ARHGEF19: variants seen among roughly 807,000 people sequenced by gnomAD.
ARHGEF19 encodes Rho guanine nucleotide exchange factor (GEF) 19.
A neutral mutation model predicts 87.6 loss-of-function variants in ARHGEF19; 92 were observed. That is an observed-to-expected ratio of 1.05 (90% CI 0.89 to 1.25). The LOEUF (loss-of-function observed/expected upper bound fraction) is 1.25, where lower values mean the gene tolerates loss of function less well. ARHGEF19 is among the 50% of genes most tolerant of loss of function. The probability of loss-of-function intolerance (pLI) is 0.00; values close to 1 mark genes in which losing one functional copy is unlikely to be tolerated. For synonymous variants in ARHGEF19, 438 were observed against 446.2 expected (o/e 0.98, Z 0.23); for missense variants, 1,054 against 1,051.8 (o/e 1.00, Z -0.03).
chr1:16,206,860 C>T lies in ARHGEF19; in HGVS notation c.1137+88G>A. ...CCAGCAACCCCCTTTGTGTGTCCCC[C>T]TCCCTCTATGGCCCGGTTCCCGCTA... is the stretch of plus-strand genomic sequence containing the variant. On this transcript the variant is annotated intron_variant, in intron 6 of 15. Transcript: ENST00000270747. The surrounding 1 kb of genome is among the most constrained non-coding windows in gnomAD (Gnocchi z 4.6). 7 of 1,362,146 alleles carry T rather than the reference C, an allele frequency of 5.1e-6. No homozygotes were observed. Among genetic ancestry groups the T allele is most frequent in the Middle Eastern group, 2.7e-4 (1 of 3,704 alleles). 84.4% of individuals were successfully genotyped at this position (1,362,146 alleles called of 1,614,324 possible). A position where few individuals can be genotyped will look rare whatever the true frequency, so the allele number is the denominator to read the frequency against.
intron 1 of ARHGEF19, among the ~76,000 whole-genome samples, chr1:16,211,784 A>G (rs1192136086): frequency 6.6e-6 from 1 of 152,222 alleles, no homozygotes; most frequent in Non-Finnish European, 1.5e-5. Context: ...CTGTTAGAAA[A>G]AAACAAACAA....
chr1:16,210,724 C>G (rs1293961108), intron 1 of ARHGEF19, among the ~76,000 whole-genome samples: 1 of 152,194 alleles, frequency 6.6e-6, no homozygotes, highest in Non-Finnish European at 1.5e-5. Flanking sequence ...GCCAGAGGAA[C>G]CATCAGAGGA....
chr1:16,207,492 C>T lies in ARHGEF19; in HGVS notation c.874+30G>A. 6.2e-7 allele frequency: 1 copy of T among 1,611,950 alleles called. No homozygotes were observed. The highest frequency in any genetic ancestry group is 8.5e-7 in the Non-Finnish European group (1 of 1,178,418). ...CACACCGCAGCCCCTTCCTCCGTTA[C>T]CTCCTCCCAGGGACCCCCCTCCCAC... On this transcript the variant is annotated intron_variant, in intron 5 of 15. Transcript: ENST00000270747. This position sits in a 1 kb window ranked among gnomAD's most constrained non-coding sequence, Gnocchi z 4.0.
At chr1:16,202,619 C>T in intron 12 of ARHGEF19, 45 bp from the exon 13 acceptor site, 9 of 1,590,342 alleles carry the variant, frequency 5.7e-6, no homozygotes, top group Non-Finnish European at 7.7e-6. Flanking sequence ...TGGGCCCTGG[C>T]TCTAGGCACC....
intron 14 of ARHGEF19, 123 bp from the exon 15 acceptor site, chr1:16,199,377 T>C (rs1249685606): frequency 1.7e-4 from 128 of 759,542 alleles, no homozygotes; most frequent in Non-Finnish European, 2.5e-5. Flanking sequence ...TTGAGGCTTC[T>C]ATTCCTCTGC....
At chr1:16,200,077 G>C (rs752759620) in intron 14 of ARHGEF19, among the ~76,000 whole-genome samples, 1 of 152,196 alleles carries the variant, frequency 6.6e-6, no homozygotes, top group African/African-American at 2.4e-5. Context: ...TGGGAATAGA[G>C]AGCTTACCCC....
At chr1:16,209,558 G>A (rs1204730397) in intron 1 of ARHGEF19, among the ~76,000 whole-genome samples, 1 of 152,160 alleles carries the variant, frequency 6.6e-6, no homozygotes, top group East Asian at 1.9e-4. Flanking sequence ...AGTATAGAAT[G>A]ACATGTACAC....
chr1:16,202,000 C>T, intron 13 of ARHGEF19, 139 bp from the exon 14 acceptor site: 1 of 843,104 alleles, frequency 1.2e-6, no homozygotes, highest in Non-Finnish European at 1.8e-6. Flanking sequence ...CATGTCTGCC[C>T]CACCCCAGGG....
chr1:16,198,697 G>A lies in ARHGEF19; in HGVS notation c.2299C>T (p.Pro767Ser), dbSNP rs1228392549. The A allele has an allele frequency of 6.2e-7, 1 of 1,612,714 alleles. No homozygotes were observed. Among genetic ancestry groups the A allele is most frequent in the Non-Finnish European group, 8.5e-7 (1 of 1,179,194 alleles). ...CTGATCTCTTCCACATAGGCCTGGGGCACCCACCCCTTCTCACCATCTGCC... is the reference window on the plus strand; with the variant it reads ...CTGATCTCTTCCACATAGGCCTGGGACACCCACCCCTTCTCACCATCTGCC... ...RLADGEKGWV[P>S]QAYVEEISSL... The change falls in exon 16 of 16, where the codon CCC (proline) becomes TCC (serine). Residue 767 changes from proline to serine, a missense_variant. Coordinates refer to ENST00000270747, the MANE Select transcript of ARHGEF19 (RefSeq NM_153213.5). The surrounding 1 kb of genome is among the most constrained non-coding windows in gnomAD (Gnocchi z 4.1).
chr1:16,207,288 C>G lies in ARHGEF19; in HGVS notation c.875-78G>C, dbSNP rs1393094947. 38 of 1,447,426 alleles carry G rather than the reference C, an allele frequency of 2.6e-5. No individual in the cohort carries two copies. Among genetic ancestry groups the G allele is most frequent in the Non-Finnish European group, 3.4e-5 (38 of 1,104,232 alleles). The allele number at this position is 1,447,426 out of a possible 1,614,324, so 89.7% of individuals were successfully genotyped here. ...GGCTTTTCCTCGGTTCCCTCAAGAG[C>G]CCGCGTCACTTAACCTTTGCCGCGG... On this transcript the variant is annotated intron_variant, in intron 5 of 15. Coordinates refer to ENST00000270747, the MANE Select transcript of ARHGEF19 (RefSeq NM_153213.5). The surrounding 1 kb of genome is among the most constrained non-coding windows in gnomAD (Gnocchi z 4.0).
chr1:16,207,633 C>T lies in ARHGEF19; in HGVS notation c.798-35G>A. 6.2e-7 allele frequency: 1 copy of T among 1,614,050 alleles called. No individual in the cohort carries two copies. The highest frequency in any genetic ancestry group is 2.2e-5 in the East Asian group (1 of 44,870). ...AGAGAGCGTCACGGCCCTAGTTCGC[C>T]TGCACCCTGTCTCGGACCCAAGCCC... On this transcript the variant is annotated intron_variant, in intron 4 of 15. Transcript: ENST00000270747. This position sits in a 1 kb window ranked among gnomAD's most constrained non-coding sequence, Gnocchi z 4.0.
chr1:16,199,141 C>G lies in ARHGEF19; in HGVS notation c.2251+9G>C. 6.2e-7 allele frequency: 1 copy of G among 1,613,660 alleles called. No homozygotes were observed. ...CCATCAGGGACACTTTCCCAGGAGG[C>G]CCCCTCACCGTCACTGGTCCAGGTC... On this transcript the variant is annotated intron_variant, in intron 15 of 15. Coordinates refer to ENST00000270747, the MANE Select transcript of ARHGEF19 (RefSeq NM_153213.5).
chr1:16,212,049 C>T (rs1305102022), intron 1 of ARHGEF19, among the ~76,000 whole-genome samples: 1 of 140,046 alleles, frequency 7.1e-6, no homozygotes, highest in Non-Finnish European at 1.5e-5. Flanking sequence ...CGCCCAATGC[C>T]CTCTCTAAGA....
Position 16,207,065 on chromosome 1 carries a change from G to A in ARHGEF19, c.1020C>T (p.Ser340=), listed in dbSNP as rs867487660. Residue 340 remains serine (S), a synonymous_variant, in exon 6 of 16, where the codon TCC becomes TCT. Transcript: ENST00000270747. The surrounding 1 kb of genome is among the most constrained non-coding windows in gnomAD (Gnocchi z 4.0). Reference sequence around the variant, plus strand: ...CTCGCGCCGAGCGCTGCGCCCGGAAGGAGCTGCTGGGGGAGAGGTTGGCCC... The same window carrying A: ...CTCGCGCCGAGCGCTGCGCCCGGAAAGAGCTGCTGGGGGAGAGGTTGGCCC... The part of the protein sequence containing the change: ...PPRANLSPSS[S]FRAQRSARGS... 37 of 1,507,274 alleles carry A rather than the reference G, an allele frequency of 2.5e-5. No homozygotes were observed. The African/African-American group carries it at 4.4e-4, about 18-fold the overall frequency. The allele number at this position is 1,507,274 out of a possible 1,614,324, so 93.4% of individuals were successfully genotyped here.
Position 16,207,270 on chromosome 1 carries a change from C to A in ARHGEF19, c.875-60G>T, listed in dbSNP as rs2081149036. The A allele has an allele frequency of 1.4e-6, 2 of 1,458,970 alleles. No homozygotes were observed. Among genetic ancestry groups the A allele is most frequent in the Non-Finnish European group, 1.8e-6 (2 of 1,111,610 alleles). The allele number at this position is 1,458,970 out of a possible 1,614,324, so 90.4% of individuals were successfully genotyped here. A position where few individuals can be genotyped will look rare whatever the true frequency, so the allele number is the denominator to read the frequency against. On this transcript the variant is annotated intron_variant, in intron 5 of 15. Transcript: ENST00000270747. This position sits in a 1 kb window ranked among gnomAD's most constrained non-coding sequence, Gnocchi z 4.0. Reference sequence around the variant, plus strand: ...GCCCGCCAGCCCCTGCCCGGCTTTTCCTCGGTTCCCTCAAGAGCCCGCGTC... The same window carrying A: ...GCCCGCCAGCCCCTGCCCGGCTTTTACTCGGTTCCCTCAAGAGCCCGCGTC...
chr1:16,206,308 G>C lies in ARHGEF19; in HGVS notation c.1170C>G (p.Ser390=). Residue 390 remains serine (S), a synonymous_variant, in exon 7 of 16, where the codon TCC becomes TCG. Coordinates refer to ENST00000270747, the MANE Select transcript of ARHGEF19 (RefSeq NM_153213.5). This position sits in a 1 kb window ranked among gnomAD's most constrained non-coding sequence, Gnocchi z 4.6. ...CAGCCACCGACAGGCTGTGGATGTA[G>C]GAGGCCTCGGAGGTGATCAGCTCAA... The part of the protein sequence containing the change: ...AKFELITSEA[S]YIHSLSVAVG... 1 of 1,580,100 alleles carries C rather than the reference G, an allele frequency of 6.3e-7. No homozygotes were observed.
chr1:16,207,690 T>G lies in ARHGEF19; in HGVS notation c.782A>C (p.Asp261Ala), dbSNP rs200726118. The change falls in exon 4 of 16, where the codon GAT becomes GCT. Residue 261 changes from aspartate (D) to alanine (A), a missense_variant. Physicochemically the swap from Asp to Ala is moderately radical, Grantham distance 126. Coordinates refer to ENST00000270747, the MANE Select transcript of ARHGEF19 (RefSeq NM_153213.5). This position sits in a 1 kb window ranked among gnomAD's most constrained non-coding sequence, Gnocchi z 4.0. The stretch of plus-strand genomic sequence containing the variant: ...GAGGTGGTACCTGGGCTCGGACCAA[T>G]CGCCCTCTCGTGAGTCACCAGGGGC... ...RPAPGDSREG[D>A]WSEPRLDTQE... is the part of the protein sequence containing the mutation. The G allele has an allele frequency of 6.2e-7, 1 of 1,613,934 alleles. No individual in the cohort carries two copies. Among genetic ancestry groups the G allele is most frequent in the East Asian group, 2.2e-5 (1 of 44,864 alleles).
At position 16,199,251 on chromosome 1, in the gene ARHGEF19, C is replaced by T. The variant is rs748542461; in HGVS notation, c.2150G>A (p.Cys717Tyr). Residue 717 changes from cysteine (C) to tyrosine (Y), a missense_variant, in exon 15 of 16, where the codon TGC (cysteine) becomes TAC (tyrosine). Coordinates refer to ENST00000270747, the MANE Select transcript of ARHGEF19 (RefSeq NM_153213.5). The stretch of plus-strand genomic sequence containing the variant: ...TGTCCTAACACACTGAACCTGGGGG[C>T]AATCTGACAGCCCAAGGGAGGCTCA... ...DKEVISEGED[C>Y]PQVQCVRTYK... 3 of 1,613,548 alleles carry T rather than the reference C, an allele frequency of 1.9e-6. No individual in the cohort carries two copies. In the African/African-American group the frequency reaches 4.0e-5, roughly 22 times the overall value.
In ARHGEF19 at chr1:16,212,613, G is replaced by T; in HGVS notation, c.-141C>A. The T allele has an allele frequency of 6.6e-6, 1 of 152,616 alleles. No individual in the cohort carries two copies. 9.5% of individuals were successfully genotyped at this position (152,616 alleles called of 1,614,324 possible). A position where few individuals can be genotyped will look rare whatever the true frequency, so the allele number is the denominator to read the frequency against. On this transcript the variant is annotated 5_prime_UTR_variant, in exon 1 of 16. Coordinates refer to ENST00000270747, the MANE Select transcript of ARHGEF19 (RefSeq NM_153213.5). ...GGGGGCGATGTCAGCATGTCAGCATGGCCCCAGAGCCGAGCAAGGCAAGCT... is the reference window on the plus strand; with the variant it reads ...GGGGGCGATGTCAGCATGTCAGCATTGCCCCAGAGCCGAGCAAGGCAAGCT...
Sources: gnomAD v4.1 joint callset for allele counts (sites outside exome capture counted in the v4.1 genomes callset) on GRCh38, gnomAD v4.1.1 for gene constraint, Gnocchi (gnomAD v3.1) non-coding constraint, MANE v1.5 for transcripts, NCBI Gene and HGNC (gene_info 2026-07-23, HGNC 2026-07-21) for gene names.